Variants in SYN3 observed in about 807,000 individuals in gnomAD.
SYN3 encodes synapsin-3.
Under a neutral mutation model 65.8 loss-of-function variants are expected in SYN3, and 35 were observed. The observed-to-expected ratio is 0.53, with a 90% CI of 0.41 to 0.70. The LOEUF (loss-of-function observed/expected upper bound fraction) is 0.70, where lower values mean the gene tolerates loss of function less well. Ranked by LOEUF, SYN3 falls within the 30% of genes least tolerant of loss-of-function variation. The pLI is 0.00. For synonymous variants in SYN3, 270 were observed against 292.9 expected, an observed-to-expected ratio of 0.92 and a Z score of 0.80; for missense variants, 680 against 749.0, an observed-to-expected ratio of 0.91 and a Z score of 1.08.
chr22:32,792,300 G>A (rs1252113569), intron 6 of SYN3, among the ~76,000 whole-genome samples: 1 of 152,170 alleles, frequency 6.6e-6, no homozygotes, highest in African/African-American at 2.4e-5. Context: ...TCCCTGTTGG[G>A]CTGCCTTCTA....
intron 6 of SYN3, among the ~76,000 whole-genome samples, chr22:32,808,411 G>A (rs141242852): frequency 3.3e-5 from 5 of 152,320 alleles, no homozygotes; most frequent in African/African-American, 1.2e-4. Context: ...ACTGCCGAGA[G>A]GGAGGCTGGG....
chr22:32,955,194 G>A (rs5998666), intron 3 of SYN3, among the ~76,000 whole-genome samples: 6,112 of 152,026 alleles, frequency 0.04, 396 homozygotes, highest in African/African-American at 0.14. Flanking sequence ...CCAAGAATAC[G>A]GCCACCTTTG....
At position 32,837,719 on chromosome 22, in the gene SYN3, A is replaced by G. The variant is rs986287593; in HGVS notation, c.711+27196T>C. 2.4e-4 allele frequency among the ~76,000 whole-genome samples: 36 copies of G among 152,232 alleles called. No homozygotes were observed. Among genetic ancestry groups the G allele is most frequent in the Middle Eastern group, 6.8e-3 (2 of 294 alleles). On this transcript the variant is annotated intron_variant, in intron 6 of 13. Coordinates refer to ENST00000358763, the MANE Select transcript of SYN3 (RefSeq NM_003490.4). This position sits in a 1 kb window ranked among gnomAD's most constrained non-coding sequence, Gnocchi z 4.1. ...TTGGATACATGCAATCCTAAAGTCT[A>G]TGGGCAGTGACAGAGTGATAAGTCT...
chr22:32,972,226 A>C (rs1411820815), intron 3 of SYN3, among the ~76,000 whole-genome samples: 1 of 152,266 alleles, frequency 6.6e-6, no homozygotes, highest in Admixed American at 6.5e-5. Context: ...TTGAAATGAC[A>C]TAAGTTTAGC....
chr22:32,989,856 G>GAAAAAA (rs1569383699), intron 2 of SYN3, among the ~76,000 whole-genome samples: 2 of 142,384 alleles, frequency 1.4e-5, no homozygotes, highest in Non-Finnish European at 1.5e-5. Flanking sequence ...AAAAAAAAAG[G>GAAAAAA]CATCAAACAC....
intron 4 of SYN3, among the ~76,000 whole-genome samples, chr22:32,927,160 G>A (rs1348123933): frequency 1.3e-5 from 2 of 152,050 alleles, no homozygotes; most frequent in Non-Finnish European, 2.9e-5. Flanking sequence ...AATGATATCA[G>A]ATCAGACCTG....
At chr22:32,740,325 G>T (rs1659161991) in intron 6 of SYN3, among the ~76,000 whole-genome samples, 2 of 152,214 alleles carry the variant, frequency 1.3e-5, no homozygotes, top group African/African-American at 4.8e-5. Context: ...TCACTGGGGA[G>T]ATGGGCACAT....
At chr22:32,555,817 T>C (rs137955591) in intron 7 of SYN3, among the ~76,000 whole-genome samples, 26 of 152,280 alleles carry the variant, frequency 1.7e-4, no homozygotes, top group East Asian at 1.4e-3. Context: ...TCCAAAGGGG[T>C]ATCAGCTCAT....
rs1274161995 is a variant in SYN3, at chr22:32,801,539, G to A, written c.711+63376C>T. Among the ~76,000 whole-genome samples the A allele has an allele frequency of 3.9e-5, 6 of 152,306 alleles. No individual in the cohort carries two copies. The highest frequency in any genetic ancestry group is 7.4e-5 in the Non-Finnish European group (5 of 68,008). On this transcript the variant is annotated intron_variant, in intron 6 of 13. Transcript: ENST00000358763. The surrounding 1 kb of genome is among the most constrained non-coding windows in gnomAD (Gnocchi z 4.7). ...CCCTATAAGGATCTGAACGATCCGG[G>A]GGCGGCCCCGCCCCGTTACCCCTTG...
intron 3 of SYN3, among the ~76,000 whole-genome samples, chr22:32,932,438 G>T (rs2050659126): frequency 6.6e-6 from 1 of 152,162 alleles, no homozygotes; most frequent in Non-Finnish European, 1.5e-5. Flanking sequence ...GAGTCATGCA[G>T]TTTCTTTCTA....
intron 6 of SYN3, among the ~76,000 whole-genome samples, chr22:32,760,433 T>G (rs1232330608): frequency 6.6e-6 from 1 of 152,074 alleles, no homozygotes; most frequent in Admixed American, 6.5e-5. Flanking sequence ...GGGAGTGACA[T>G]CCCACACATG....
chr22:32,813,024 T>C (rs1246659034), intron 6 of SYN3, among the ~76,000 whole-genome samples: 1 of 152,206 alleles, frequency 6.6e-6, no homozygotes. Flanking sequence ...TTCCAGTTCC[T>C]TCTTTGGCTG....
intron 8 of SYN3, among the ~76,000 whole-genome samples, chr22:32,540,178 T>C (rs576323337): frequency 6.6e-6 from 1 of 152,284 alleles, no homozygotes; most frequent in East Asian, 1.9e-4. Context: ...CACCTGGCCC[T>C]CTACAGAAAA....
intron 1 of SYN3, among the ~76,000 whole-genome samples, chr22:33,022,402 C>T (rs982768506): frequency 2.0e-5 from 3 of 152,214 alleles, no homozygotes; most frequent in African/African-American, 4.8e-5. Context: ...GCAGGTCCAA[C>T]ATGCACCTGC....
At chr22:32,924,558 C>T (rs1365214439) in intron 4 of SYN3, among the ~76,000 whole-genome samples, 1 of 152,222 alleles carries the variant, frequency 6.6e-6, no homozygotes, top group Non-Finnish European at 1.5e-5. Flanking sequence ...AGACCAGATG[C>T]ACTGGCTTCA....
chr22:32,719,927 G>C (rs1045846361), intron 6 of SYN3, among the ~76,000 whole-genome samples: 1 of 152,336 alleles, frequency 6.6e-6, no homozygotes, highest in Admixed American at 6.5e-5. Flanking sequence ...GGAGGGGAAG[G>C]GGGGACAAGG....
intron 7 of SYN3, among the ~76,000 whole-genome samples, chr22:32,549,492 A>G (rs2058380554): frequency 6.6e-6 from 1 of 152,164 alleles, no homozygotes; most frequent in Non-Finnish European, 1.5e-5. Context: ...GGCTCAAGCA[A>G]TTCTCCGGCC....
chr22:33,009,741 T>A (rs1047894860), intron 1 of SYN3, among the ~76,000 whole-genome samples: 1 of 140,328 alleles, frequency 7.1e-6, no homozygotes, highest in Non-Finnish European at 1.5e-5. Context: ...CTTTCATATA[T>A]ACGTATCTAA....
chr22:32,895,529 G>A (rs1478219485), intron 4 of SYN3, among the ~76,000 whole-genome samples: 1 of 152,152 alleles, frequency 6.6e-6, no homozygotes, highest in African/African-American at 2.4e-5. Flanking sequence ...GGAAAGAATG[G>A]CAAAGAGTGA....
Sources: gnomAD v4.1 joint callset for allele counts (sites outside exome capture counted in the v4.1 genomes callset) on GRCh38, gnomAD v4.1.1 for gene constraint, Gnocchi (gnomAD v3.1) non-coding constraint, MANE v1.5 for transcripts, NCBI Gene and HGNC (gene_info 2026-07-23, HGNC 2026-07-21) for gene names.